ADAMTS7: variants seen among roughly 807,000 people sequenced by gnomAD.
The protein encoded by ADAMTS7 is ADAM metallopeptidase with thrombospondin type 1 motif 7.
Under a neutral mutation model 172.6 loss-of-function variants are expected in ADAMTS7, and 89 were observed. The ratio of observed to expected loss-of-function variants is 0.52; its 90% CI spans 0.43 to 0.61. ADAMTS7 has a LOEUF of 0.61. Among genes scored for constraint, ADAMTS7 ranks in the 20% least tolerant of loss-of-function variants. The pLI, the probability that ADAMTS7 is intolerant of heterozygous loss-of-function variation, is 0.00. For synonymous variants in ADAMTS7, 885 were observed against 978.4 expected (o/e 0.90, Z 1.78); for missense variants, 1,973 against 2,355.6 (o/e 0.84, Z 3.36).
intron 6 of ADAMTS7, among the ~76,000 whole-genome samples, chr15:78,790,305 C>T (rs556062515): frequency 6.6e-6 from 1 of 152,092 alleles, no homozygotes; most frequent in African/African-American, 2.4e-5. Flanking sequence ...CACACACACA[C>T]ACAAAGGGAA....
Position 78,771,206 on chromosome 15 carries a change from CAGG to C in ADAMTS7, c.2471_2473del (p.Ser824del). 1.2e-6 allele frequency: 2 copies of C among 1,611,774 alleles called. No individual in the cohort carries two copies. The highest frequency in any genetic ancestry group is 1.7e-6 in the Non-Finnish European group (2 of 1,179,582). On this transcript the variant is annotated inframe_deletion, in exon 16 of 24. Transcript: ENST00000388820. The surrounding 1 kb of genome is among the most constrained non-coding windows in gnomAD (Gnocchi z 4.9). ...GCACTTGGTCCAGGGCCCATAATGCCAGGAGAACACGGGCGGCGGGACCTCGTC... is the reference window on the plus strand; with the variant it reads ...GCACTTGGTCCAGGGCCCATAATGCCAGAACACGGGCGGCGGGACCTCGTC...
At chr15:78,784,754 G>A (rs1321910362) in intron 8 of ADAMTS7, among the ~76,000 whole-genome samples, 1 of 152,084 alleles carries the variant, frequency 6.6e-6, no homozygotes, top group African/African-American at 2.4e-5. Context: ...CAATGGTATG[G>A]GACCTCTACA....
chr15:78,792,869 T>G (rs181491351), intron 4 of ADAMTS7, among the ~76,000 whole-genome samples: 3 of 151,322 alleles, frequency 2.0e-5, no homozygotes, highest in African/African-American at 4.9e-5. Context: ...AGAAAGAAAA[T>G]GGGGTAAAAA....
At chr15:78,790,057 C>A (rs1352107026) in intron 6 of ADAMTS7, among the ~76,000 whole-genome samples, 1 of 152,226 alleles carries the variant, frequency 6.6e-6, no homozygotes, top group Non-Finnish European at 1.5e-5. Flanking sequence ...AGAGCACAGA[C>A]CCGCACAGAA....
intron 19 of ADAMTS7, chr15:78,765,035 G>A: frequency 3.5e-6 from 1 of 281,936 alleles, no homozygotes; most frequent in Non-Finnish European, 6.6e-6. Context: ...CTTCCCAGAG[G>A]CACCAGGGAA....
chr15:78,759,791 G>A (rs2055012676), intron 23 of ADAMTS7, among the ~76,000 whole-genome samples: 2 of 152,160 alleles, frequency 1.3e-5, no homozygotes. Context: ...CTCGAGAACG[G>A]GTGCTGCTGG....
In ADAMTS7 at chr15:78,803,823, T is replaced by C. The variant is rs149555544; in HGVS notation, c.101-3276A>G. On this transcript the variant is annotated intron_variant, in intron 1 of 23. Coordinates refer to ENST00000388820, the MANE Select transcript of ADAMTS7 (RefSeq NM_014272.5). Reference sequence around the variant, plus strand: ...GATACGTGCAACAACTGTAATGAGATAGAAAAATATTTGGTTTGCTGTATT... The same window carrying C: ...GATACGTGCAACAACTGTAATGAGACAGAAAAATATTTGGTTTGCTGTATT... Among the ~76,000 whole-genome samples the C allele has an allele frequency of 2.0e-5, 3 of 152,364 alleles. No individual in the cohort carries two copies. The East Asian group carries it at 5.8e-4, about 29-fold the overall frequency.
intron 8 of ADAMTS7, 60 bp downstream of exon 8, chr15:78,788,171 C>G (rs530893478): frequency 1.3e-6 from 2 of 1,597,744 alleles, no homozygotes; most frequent in Admixed American, 1.7e-5. Context: ...GTCTGCATCT[C>G]TCCCAGTAGA....
At chr15:78,794,329 A>G (rs974051674) in intron 4 of ADAMTS7, among the ~76,000 whole-genome samples, 1 of 152,218 alleles carries the variant, frequency 6.6e-6, no homozygotes, top group African/African-American at 2.4e-5. Context: ...AGATATTCAC[A>G]AGGCTCCAGC....
chr15:78,800,102 C>G (rs993858954), intron 2 of ADAMTS7, 90 bp downstream of exon 2: 194 of 1,216,808 alleles, frequency 1.6e-4, no homozygotes, highest in Non-Finnish European at 2.2e-4. Flanking sequence ...CTGGGCAAAG[C>G]CACCAGACAA....
intron 8 of ADAMTS7, among the ~76,000 whole-genome samples, chr15:78,780,030 T>C (rs1394771281): frequency 6.8e-6 from 1 of 146,014 alleles, no homozygotes; most frequent in African/African-American, 2.6e-5. Flanking sequence ...TGGCTATAGA[T>C]GCTGTGTGGC....
intron 8 of ADAMTS7, among the ~76,000 whole-genome samples, chr15:78,781,233 TG>T (rs2055423771): frequency 6.6e-6 from 1 of 152,144 alleles, no homozygotes; most frequent in Non-Finnish European, 1.5e-5. Context: ...CCAACCTGCT[TG>T]GGTGGGGCCC....
At chr15:78,769,148 C>G (rs1014205729) in intron 16 of ADAMTS7, among the ~76,000 whole-genome samples, 4 of 152,202 alleles carry the variant, frequency 2.6e-5, no homozygotes, top group African/African-American at 9.7e-5. Flanking sequence ...GCTCTCCATC[C>G]CCACACCAGG....
chr15:78,764,878 C>T (rs2141472229), intron 19 of ADAMTS7, 171 bp from the exon 20 acceptor site: 1 of 644,014 alleles, frequency 1.6e-6, no homozygotes, highest in Non-Finnish European at 2.5e-6. Flanking sequence ...CCAGGAAGAC[C>T]GTGAGAATGA....
chr15:78,804,386 C>T (rs560959676), intron 1 of ADAMTS7, among the ~76,000 whole-genome samples: 2 of 152,306 alleles, frequency 1.3e-5, no homozygotes, highest in Non-Finnish European at 2.9e-5. Flanking sequence ...CTCTAAAGAG[C>T]ACAGTTAGGG....
At chr15:78,802,343 T>A (rs1490562262) in intron 1 of ADAMTS7, among the ~76,000 whole-genome samples, 5 of 152,240 alleles carry the variant, frequency 3.3e-5, no homozygotes, top group African/African-American at 1.2e-4. Flanking sequence ...ATGATTGTTA[T>A]GATTATTATT....
chr15:78,766,243 T>C lies in ADAMTS7; in HGVS notation c.3668A>G (p.Glu1223Gly), dbSNP rs772839635. The C allele has an allele frequency of 2.5e-6, 4 of 1,611,590 alleles. No individual in the cohort carries two copies. The highest frequency in any genetic ancestry group is 3.4e-6 in the Non-Finnish European group (4 of 1,179,704). Residue 1223 changes from glutamate (E) to glycine (G), a missense_variant, in exon 19 of 24, where the codon GAA (glutamate) becomes GGA (glycine). Physicochemically the swap from Glu to Gly is moderately conservative, Grantham distance 98. Coordinates refer to ENST00000388820, the MANE Select transcript of ADAMTS7 (RefSeq NM_014272.5). ...RTNEVFKDDE[E>G]PKGRGAPHLP... ...GTGGGGTGCTCCTCGGCCCTTGGGT[T>C]CCTCATCATCCTTGAAAACCTCATT... is the stretch of plus-strand genomic sequence containing the variant.
intron 8 of ADAMTS7, among the ~76,000 whole-genome samples, chr15:78,784,082 C>T (rs1227389217): frequency 6.6e-6 from 1 of 152,008 alleles, no homozygotes; most frequent in Non-Finnish European, 1.5e-5. Context: ...AAAATAGAAA[C>T]AGGTGGCTGG....
At position 78,765,691 on chromosome 15, in the gene ADAMTS7, G is replaced by A. The variant is rs762903913; in HGVS notation, c.4220C>T (p.Pro1407Leu). The A allele has an allele frequency of 3.1e-6, 5 of 1,610,520 alleles. No individual in the cohort carries two copies. Among genetic ancestry groups the A allele is most frequent in the Admixed American group, 1.7e-5 (1 of 59,926 alleles). Residue 1407 changes from proline to leucine, a missense_variant, in exon 19 of 24, where the codon CCG becomes CTG. Around this residue, in one of 8 missense-constraint regions of ADAMTS7, gnomAD observed 771 missense variants for 952.6 expected, o/e 0.81. Coordinates refer to ENST00000388820, the MANE Select transcript of ADAMTS7 (RefSeq NM_014272.5). ...CCAGCCGGCGTTCCTGACAACCAAC[G>A]GGTCCGCGGGGGGCCCCGCTTCAGC... is the stretch of plus-strand genomic sequence containing the variant. ...SLAEAGPPAD[P>L]LVVRNAGWQA...
Sources: allele counts gnomAD v4.1 joint callset (sites outside exome capture counted in the v4.1 genomes callset), GRCh38; gene constraint gnomAD v4.1.1; regional missense constraint gnomAD v4.1.1; non-coding constraint Gnocchi (gnomAD v3.1); transcripts MANE v1.5; gene names NCBI Gene and HGNC (gene_info 2026-07-23, HGNC 2026-07-21).